The following MYL1 variants were observed in gnomAD, a reference collection of about 807,000 sequenced individuals.
MYL1 encodes myosin light chain 1/3, skeletal muscle isoform.
In MYL1, 16 loss-of-function variants were observed where a neutral mutation model predicts 21.8. The ratio of observed to expected loss-of-function variants is 0.74; its 90% confidence interval spans 0.50 to 1.12. The LOEUF is 1.12. Ranked by LOEUF, MYL1 falls within the 50% of genes most tolerant of loss-of-function variation. MYL1 has a pLI of 0.00. For synonymous variants in MYL1, 99 were observed against 85.2 expected, an observed-to-expected ratio of 1.16 and a Z score of -0.89; for missense variants, 246 against 241.0, an observed-to-expected ratio of 1.02 and a Z score of -0.14.
chr2:210,311,012 T>A (rs1690411629), intron 1 of MYL1, among the ~76,000 whole-genome samples: 2 of 152,062 alleles, frequency 1.3e-5, no homozygotes. Flanking sequence ...TTAAGCTCAG[T>A]TTCTTTACTT....
chr2:210,307,607 C>A (rs1007744973), intron 1 of MYL1, among the ~76,000 whole-genome samples: 2 of 152,144 alleles, frequency 1.3e-5, no homozygotes, highest in African/African-American at 4.8e-5. Flanking sequence ...TATATTCTAG[C>A]CTACATATTT....
At chr2:210,310,271 A>G (rs191643116) in intron 1 of MYL1, among the ~76,000 whole-genome samples, 4 of 152,224 alleles carry the variant, frequency 2.6e-5, no homozygotes, top group African/African-American at 4.8e-5. Flanking sequence ...CGAATTAGAA[A>G]TTGATTACAT....
At chr2:210,297,447 C>A (rs1475717122) in intron 3 of MYL1, among the ~76,000 whole-genome samples, 1 of 150,910 alleles carries the variant, frequency 6.6e-6, no homozygotes, top group Non-Finnish European at 1.5e-5. Flanking sequence ...CATCTGTTGG[C>A]CATTTGTATA....
chr2:210,290,914 T>C (rs1690065379), intron 6 of MYL1, 118 bp downstream of exon 6: 1 of 542,116 alleles, frequency 1.8e-6, no homozygotes. Context: ...CTAATTAATA[T>C]AAATATCTCG....
At chr2:210,302,881 T>C (rs1357797286) in intron 1 of MYL1, 24 of 1,415,594 alleles carry the variant, frequency 1.7e-5, no homozygotes, top group Non-Finnish European at 2.2e-5. Flanking sequence ...TGCTCTGAGA[T>C]TTTTAGGAAG....
At position 210,315,028 on chromosome 2, in the gene MYL1, T is replaced by C; in HGVS notation, c.15A>G (p.Lys5=). 2 of 1,594,482 alleles carry C rather than the reference T, an allele frequency of 1.3e-6. No homozygotes were observed. The highest frequency in any genetic ancestry group is 2.3e-5 in the South Asian group (2 of 86,042). The change falls in exon 1 of 7, where the codon AAA becomes AAG. Residue 5 remains lysine, a synonymous_variant. Transcript: ENST00000352451. The part of the protein sequence containing the change: MAPK[K]DVKKPVAAAA... ...CCGCAGCCACAGGTTTCTTCACGTC[T>C]TTCTTTGGTGCCATTTTTTTTTTTA...
At chr2:210,298,948 A>G (rs543373891) in intron 2 of MYL1, among the ~76,000 whole-genome samples, 1 of 152,308 alleles carries the variant, frequency 6.6e-6, no homozygotes, top group East Asian at 1.9e-4. Flanking sequence ...AGAAAGAACA[A>G]ATTTTCAATC....
chr2:210,292,944 G>T (rs1249310462), intron 5 of MYL1, among the ~76,000 whole-genome samples: 2 of 152,252 alleles, frequency 1.3e-5, no homozygotes, highest in Admixed American at 6.6e-5. Context: ...AATCAAGATT[G>T]TCAGTGAAGA....
At chr2:210,295,920 G>A (rs974516381) in intron 3 of MYL1, among the ~76,000 whole-genome samples, 27 of 151,864 alleles carry the variant, frequency 1.8e-4, no homozygotes, top group Non-Finnish European at 3.7e-4. Flanking sequence ...TTTTCTACAT[G>A]ATGTAATTGG....
intron 1 of MYL1, chr2:210,303,700 C>T (rs904223340): frequency 1.7e-5 from 18 of 1,053,474 alleles, no homozygotes; most frequent in Non-Finnish European, 2.3e-5. Flanking sequence ...GATAAGTTGC[C>T]ACACCCCTTG....
intron 5 of MYL1, among the ~76,000 whole-genome samples, chr2:210,293,217 T>C (rs1312618295): frequency 6.6e-6 from 1 of 152,170 alleles, no homozygotes; most frequent in Non-Finnish European, 1.5e-5. Context: ...TGCTGTAAAT[T>C]GGTAGTAGGA....
intron 2 of MYL1, among the ~76,000 whole-genome samples, chr2:210,299,950 C>T (rs1413653163): frequency 6.6e-6 from 1 of 152,136 alleles, no homozygotes; most frequent in African/African-American, 2.4e-5. Context: ...TAACATCGCA[C>T]TGACATTATA....
chr2:210,294,459 A>T, intron 3 of MYL1, 41 bp from the exon 4 acceptor site: 1 of 1,556,348 alleles, frequency 6.4e-7, no homozygotes, highest in South Asian at 1.2e-5. Context: ...AGCTACCATA[A>T]TACTAACTCT....
chr2:210,309,472 T>C (rs1478559586), intron 1 of MYL1, among the ~76,000 whole-genome samples: 1 of 152,088 alleles, frequency 6.6e-6, no homozygotes, highest in East Asian at 1.9e-4. Context: ...GTGACCAGAA[T>C]AGCCAGAATT....
chr2:210,311,144 C>A (rs898540283), intron 1 of MYL1, among the ~76,000 whole-genome samples: 1 of 151,998 alleles, frequency 6.6e-6, no homozygotes, highest in African/African-American at 2.4e-5. Flanking sequence ...GATTTCAGAG[C>A]CTTTCGTGGA....
At chr2:210,298,850 C>T (rs2063311) in intron 2 of MYL1, among the ~76,000 whole-genome samples, 2,854 of 151,618 alleles carry the variant, frequency 0.019, 92 homozygotes, top group African/African-American at 0.064. Flanking sequence ...CCTTTACCTG[C>T]CTGGAAACCT....
chr2:210,303,652 G>C, intron 1 of MYL1: 1 of 1,521,838 alleles, frequency 6.6e-7, no homozygotes, highest in South Asian at 1.3e-5. Flanking sequence ...TTTATTTCTG[G>C]GCAAGCTTTG....
intron 3 of MYL1, among the ~76,000 whole-genome samples, chr2:210,294,790 CT>C (rs1008917207): frequency 5.3e-5 from 8 of 151,748 alleles, no homozygotes. Flanking sequence ...TAAGTGTTAG[CT>C]TTTTTTTAGT....
chr2:210,310,308 G>A (rs962295924), intron 1 of MYL1, among the ~76,000 whole-genome samples: 1 of 151,986 alleles, frequency 6.6e-6, no homozygotes, highest in African/African-American at 2.4e-5. Context: ...AGTAGTTAGG[G>A]TTAAGGTTTT....
Sources: gnomAD v4.1 joint callset for allele counts (sites outside exome capture counted in the v4.1 genomes callset) on GRCh38, gnomAD v4.1.1 for gene constraint, MANE v1.5 for transcripts, NCBI Gene and HGNC (gene_info 2026-07-23, HGNC 2026-07-21) for gene names.